Variants in FER1L5 observed in about 807,000 individuals in gnomAD.
The protein encoded by FER1L5 is fer-1 like family member 5, also known as fer-1-like protein 5.
FER1L5 carries 187 observed loss-of-function variants against 279.9 expected under a neutral mutation model. The observed-to-expected ratio is 0.67, with a 90% confidence interval of 0.59 to 0.75. The LOEUF (loss-of-function observed/expected upper bound fraction) is 0.75, where lower values mean the gene tolerates loss of function less well. Among genes scored for constraint, FER1L5 ranks in the 30% least tolerant of loss-of-function variants. The probability of loss-of-function intolerance (pLI) is 0.00; values close to 1 mark genes in which losing one functional copy is unlikely to be tolerated. For synonymous variants in FER1L5, 921 were observed against 989.7 expected, an observed-to-expected ratio of 0.93 and a Z score of 1.30; for missense variants, 2,091 against 2,594.4, an observed-to-expected ratio of 0.81 and a Z score of 4.21.
rs147371328 is a variant in FER1L5, at chr2:96,670,982, C to T, written c.1491+735C>T. Among the ~76,000 whole-genome samples, 124 of 151,454 alleles carry T rather than the reference C, an allele frequency of 8.2e-4. 1 individual carries two copies. In the East Asian group the frequency reaches 0.018, roughly 22 times the overall value. ...ATTACCCAGGCATGGTGGCTTGCGCCTGTAGTCCCAGCTACTTCGGAGGCT... is the reference window on the plus strand; with the variant it reads ...ATTACCCAGGCATGGTGGCTTGCGCTTGTAGTCCCAGCTACTTCGGAGGCT... On this transcript the variant is annotated intron_variant, in intron 18 of 52. Transcript: ENST00000624922.
chr2:96,646,242 C>T (rs1299141620), intron 1 of FER1L5, among the ~76,000 whole-genome samples, 159 bp from the exon 2 acceptor site: 4 of 152,142 alleles, frequency 2.6e-5, no homozygotes, highest in Non-Finnish European at 2.9e-5. Flanking sequence ...TCGTGATCTG[C>T]CTGCCTCGGC....
In FER1L5 at chr2:96,687,933, G is replaced by A. The variant is rs1457576302; in HGVS notation, c.2347G>A (p.Val783Met). Residue 783 changes from valine (V) to methionine (M), a missense_variant, in exon 24 of 53, where the codon GTG becomes ATG. Coordinates refer to ENST00000624922, the MANE Select transcript of FER1L5 (RefSeq NM_001293083.2). ...GCTGCTCCGCCAGGGTGACACAGCG[G>A]TGTACGCCGAGATGGTGAGTGGTGA... ...LQLLRQGDTAVYAEMYENQAK... is the reference protein window; with the variant it reads ...LQLLRQGDTAMYAEMYENQAK... The A allele has an allele frequency of 1.3e-6, 2 of 1,551,078 alleles. No individual in the cohort carries two copies. Among genetic ancestry groups the A allele is most frequent in the African/African-American group, 1.4e-5 (1 of 73,172 alleles).
Position 96,689,485 on chromosome 2 carries a change from G to C in FER1L5, c.2525+109G>C. The C allele has an allele frequency of 6.7e-7, 1 of 1,501,376 alleles. No individual in the cohort carries two copies. The highest frequency in any genetic ancestry group is 1.2e-5 in the South Asian group (1 of 80,360). 93.0% of individuals were successfully genotyped at this position (1,501,376 alleles called of 1,614,324 possible). On this transcript the variant is annotated intron_variant, in intron 25 of 52. Transcript: ENST00000624922. The surrounding 1 kb of genome is among the most constrained non-coding windows in gnomAD (Gnocchi z 4.6). ...CTAGCCCCTAAGCCTGGTGCCAGAG[G>C]GCCGAGGTGCACCAGGCCAAGGGCC...
intron 7 of FER1L5, 147 bp downstream of exon 7, chr2:96,652,167 T>A (rs2075409287): frequency 2.6e-6 from 3 of 1,150,396 alleles, no homozygotes; most frequent in East Asian, 5.2e-5. Context: ...GGCCAAGCAC[T>A]GAAAATACAG....
Position 96,698,522 on chromosome 2 carries a change from C to T in FER1L5, c.4357-149C>T, listed in dbSNP as rs949108996. 2 of 695,182 alleles carry T rather than the reference C, an allele frequency of 2.9e-6. No homozygotes were observed. The highest frequency in any genetic ancestry group is 4.8e-6 in the Non-Finnish European group (2 of 418,814). 43.1% of individuals were successfully genotyped at this position (695,182 alleles called of 1,614,324 possible). A position where few individuals can be genotyped will look rare whatever the true frequency, so the allele number is the denominator to read the frequency against. Reference sequence around the variant, plus strand: ...TGGGCCCTGCTGAACACCTTCTGTACCTGCCTCCACTGTCCTCATGGCCTT... The same window carrying T: ...TGGGCCCTGCTGAACACCTTCTGTATCTGCCTCCACTGTCCTCATGGCCTT... On this transcript the variant is annotated intron_variant, in intron 40 of 52. Coordinates refer to ENST00000624922, the MANE Select transcript of FER1L5 (RefSeq NM_001293083.2). The surrounding 1 kb of genome is among the most constrained non-coding windows in gnomAD (Gnocchi z 5.5).
chr2:96,672,199 C>T (rs1378797598), intron 18 of FER1L5, among the ~76,000 whole-genome samples: 2 of 152,166 alleles, frequency 1.3e-5, no homozygotes, highest in Non-Finnish European at 2.9e-5. Context: ...TTGCCTCAGC[C>T]TCCTGAGTAT....
At chr2:96,697,169 A>G (rs768969715) in intron 37 of FER1L5, among the ~76,000 whole-genome samples, 6 of 152,204 alleles carry the variant, frequency 3.9e-5, no homozygotes, top group Non-Finnish European at 7.3e-5. Context: ...CTATTGCTCT[A>G]AAGTGGCACT....
At position 96,694,587 on chromosome 2, in the gene FER1L5, C is replaced by A; in HGVS notation, c.3741+123C>A. 1.4e-6 allele frequency: 1 copy of A among 721,304 alleles called. No individual in the cohort carries two copies. The highest frequency in any genetic ancestry group is 3.0e-5 in the South Asian group (1 of 33,358). The allele number at this position is 721,304 out of a possible 1,614,324, so 44.7% of individuals were successfully genotyped here. A position where few individuals can be genotyped will look rare whatever the true frequency, so the allele number is the denominator to read the frequency against. On this transcript the variant is annotated intron_variant, in intron 34 of 52. Transcript: ENST00000624922. The surrounding 1 kb of genome is among the most constrained non-coding windows in gnomAD (Gnocchi z 4.6). Reference sequence around the variant, plus strand: ...AAAGCTCACACCCCGAAAAAGACTACCTGGGAGGTGGAGGGAGACAGGAGA... The same window carrying A: ...AAAGCTCACACCCCGAAAAAGACTAACTGGGAGGTGGAGGGAGACAGGAGA...
chr2:96,661,844 A>ATCC (rs1347566814), intron 12 of FER1L5, 53 bp downstream of exon 12: 4 of 1,547,592 alleles, frequency 2.6e-6, no homozygotes, highest in Non-Finnish European at 3.5e-6. Flanking sequence ...CTACACGGTG[A>ATCC]TACCCTGGAT....
Position 96,689,333 on chromosome 2 carries a change from G to A in FER1L5, c.2482G>A (p.Gly828Arg). The change falls in exon 25 of 53, where the codon GGA becomes AGA. Residue 828 changes from glycine (G) to arginine (R), a missense_variant. By Grantham distance (125) the Gly-to-Arg change is moderately radical (BLOSUM62 -2). Transcript: ENST00000624922. This position sits in a 1 kb window ranked among gnomAD's most constrained non-coding sequence, Gnocchi z 4.6. The part of the protein sequence containing the change: ...LPMTDFQPPL[G>R]WHWQDSWTVE... ...CATGACGGATTTCCAACCACCCCTG[G>A]GATGGCACTGGCAGGACAGCTGGAC... The A allele has an allele frequency of 1.9e-6, 3 of 1,550,710 alleles. No homozygotes were observed. The highest frequency in any genetic ancestry group is 2.6e-6 in the Non-Finnish European group (3 of 1,146,756).
At chr2:96,679,576 G>T (rs1311806733) in intron 19 of FER1L5, among the ~76,000 whole-genome samples, 1 of 152,134 alleles carries the variant, frequency 6.6e-6, no homozygotes, top group Non-Finnish European at 1.5e-5. Flanking sequence ...GATTCATTTT[G>T]AATTAATTTG....
intron 27 of FER1L5, among the ~76,000 whole-genome samples, chr2:96,690,947 T>C (rs920251260): frequency 1.1e-4 from 17 of 152,262 alleles, no homozygotes; most frequent in Admixed American, 4.6e-4. Flanking sequence ...GCTTATGGGC[T>C]GTGTGGCCTT....
rs375994530 is a variant in FER1L5, at chr2:96,696,078, G to A, written c.4083+1G>A. The A allele has an allele frequency of 3.2e-5, 51 of 1,613,684 alleles. No homozygotes were observed. Among genetic ancestry groups the A allele is most frequent in the Non-Finnish European group, 3.9e-5 (46 of 1,179,876 alleles). On this transcript the variant is annotated splice_donor_variant, in intron 37 of 52. Transcript: ENST00000624922. LOFTEE classifies it high-confidence loss of function. ...GCTGTCTGAGAAGAAGCACCAAGAC[G>A]TAAGTAAGGGCTGCAGGCCCACCTT...
At position 96,685,395 on chromosome 2, in the gene FER1L5, G is replaced by A; in HGVS notation, c.1861G>A (p.Glu621Lys). 3 of 1,551,236 alleles carry A rather than the reference G, an allele frequency of 1.9e-6. No individual in the cohort carries two copies. The highest frequency in any genetic ancestry group is 1.4e-5 in the African/African-American group (1 of 73,146). The part of the protein sequence containing the change: ...PKDPALLYQW[E>K]KLLRELAEDC... ...GGATCCAGCTCTCCTCTACCAGTGGGAGAAACTGCTGAGGGAGCTGGCAGA... is the reference window on the plus strand; with the variant it reads ...GGATCCAGCTCTCCTCTACCAGTGGAAGAAACTGCTGAGGGAGCTGGCAGA... The change falls in exon 21 of 53, where the codon GAG becomes AAG. Residue 621 changes from glutamate to lysine, a missense_variant. Coordinates refer to ENST00000624922, the MANE Select transcript of FER1L5 (RefSeq NM_001293083.2).
At chr2:96,682,906 A>C (rs1312991146) in intron 19 of FER1L5, among the ~76,000 whole-genome samples, 1 of 152,208 alleles carries the variant, frequency 6.6e-6, no homozygotes, top group Non-Finnish European at 1.5e-5. Context: ...GCTGGTAACA[A>C]ACTACTTGAG....
chr2:96,699,527 A>G (rs768739796), intron 42 of FER1L5, 23 bp from the exon 43 acceptor site: 1 of 1,604,348 alleles, frequency 6.2e-7, no homozygotes, highest in Non-Finnish European at 8.5e-7. Flanking sequence ...CATCCTCTGC[A>G]GTCTCCAACA....
intron 44 of FER1L5, 112 bp downstream of exon 44, chr2:96,700,192 AG>A: frequency 6.5e-7 from 1 of 1,546,288 alleles, no homozygotes; most frequent in Non-Finnish European, 8.7e-7. Flanking sequence ...ACAAGGAAAG[AG>A]CTCCCTGGAG....
Position 96,698,704 on chromosome 2 carries a change from C to A in FER1L5, c.4390C>A (p.Pro1464Thr). ...LFRIYPFPENPEAPKPPLQFL... is the reference protein window; with the variant it reads ...LFRIYPFPENTEAPKPPLQFL... ...CCGCATCTACCCCTTTCCTGAGAAT[C>A]CAGAAGCCCCAAAGCCCCCGCTGCA... is the stretch of plus-strand genomic sequence containing the variant. The change falls in exon 41 of 53, where the codon CCA becomes ACA. Residue 1464 changes from proline (P) to threonine (T), a missense_variant. Coordinates refer to ENST00000624922, the MANE Select transcript of FER1L5 (RefSeq NM_001293083.2). This position sits in a 1 kb window ranked among gnomAD's most constrained non-coding sequence, Gnocchi z 5.5. 6.3e-7 allele frequency: 1 copy of A among 1,587,332 alleles called. No individual in the cohort carries two copies. Among genetic ancestry groups the A allele is most frequent in the East Asian group, 2.3e-5 (1 of 43,308 alleles).
chr2:96,704,103 A>G lies in FER1L5; in HGVS notation c.5802-112A>G, dbSNP rs1573985550. ...AATGCTGGGATTACAGGCGTGAGAC[A>G]CTGTGCCTGGCCCAGTAGTTGCTTT... On this transcript the variant is annotated intron_variant, in intron 51 of 52. Transcript: ENST00000624922. The G allele has an allele frequency of 3.8e-6, 5 of 1,316,568 alleles. No homozygotes were observed. The East Asian group carries it at 1.2e-4, about 32-fold the overall frequency. The allele number at this position is 1,316,568 out of a possible 1,614,324, so 81.6% of individuals were successfully genotyped here.
Sources: allele counts gnomAD v4.1 joint callset (sites outside exome capture counted in the v4.1 genomes callset), GRCh38; gene constraint gnomAD v4.1.1; non-coding constraint Gnocchi (gnomAD v3.1); transcripts MANE v1.5; gene names NCBI Gene and HGNC (gene_info 2026-07-23, HGNC 2026-07-21).